The following STAG1 variants were observed in gnomAD, a reference collection of about 807,000 sequenced individuals.
STAG1 encodes the protein STAG1 cohesin complex component.
A neutral mutation model predicts 170.9 loss-of-function variants in STAG1; 26 were observed. That is an observed-to-expected ratio of 0.15 (90% CI 0.11 to 0.21). STAG1 has a LOEUF of 0.21. STAG1 is among the 10% of genes least tolerant of loss of function. The pLI, the probability that STAG1 is intolerant of heterozygous loss-of-function variation, is 1.00. For missense variants in STAG1, 964 were observed against 1,509.5 expected (o/e 0.64, Z 5.99); for synonymous variants, 514 against 497.7 (o/e 1.03, Z -0.44).
intron 1 of STAG1, among the ~76,000 whole-genome samples, chr3:136,741,359 TGTC>T (rs1398042566): frequency 6.6e-6 from 1 of 152,272 alleles, no homozygotes; most frequent in Non-Finnish European, 1.5e-5. Flanking sequence ...CAAGTTAACT[TGTC>T]AGCCTATAAA....
In STAG1 at chr3:136,358,666, C is replaced by T. The variant is rs201089162; in HGVS notation, c.2936+482G>A. On this transcript the variant is annotated intron_variant, in intron 27 of 33. Transcript: ENST00000383202. ...CATAGCTCACTATAACCTCAAACTC[C>T]CAGTCTTAAGTGATCCTCCTGGCTC... 3.3e-5 allele frequency among the ~76,000 whole-genome samples: 5 copies of T among 152,224 alleles called. No homozygotes were observed. In the East Asian group the frequency reaches 7.7e-4, roughly 24 times the overall value.
rs1400121895 is a variant in STAG1 at position 136,700,863 on chromosome 3, C to T, written c.-84+51332G>A. 2.0e-5 allele frequency among the ~76,000 whole-genome samples: 3 copies of T among 146,508 alleles called. No homozygotes were observed. The East Asian group carries it at 6.0e-4, about 29-fold the overall frequency. On this transcript the variant is annotated intron_variant, in intron 1 of 33. Transcript: ENST00000383202. Reference sequence around the variant, plus strand: ...TTAAAAAAACATAAATGTGTGTGTGCTCTATTTTTTTTCTTTTTTTTTTTT... The same window carrying T: ...TTAAAAAAACATAAATGTGTGTGTGTTCTATTTTTTTTCTTTTTTTTTTTT...
At position 136,337,132 on chromosome 3, in the gene STAG1, A is replaced by G. The variant is rs1038130182; in HGVS notation, c.*1122T>C. On this transcript the variant is annotated 3_prime_UTR_variant, in exon 34 of 34. Coordinates refer to ENST00000383202, the MANE Select transcript of STAG1 (RefSeq NM_005862.3). ...TGAAATGTAGCTGTAATTCAAGGTA[A>G]GCTTAGGAACTTCACCCTCTAAGCA... 6.6e-6 allele frequency: 1 copy of G among 152,594 alleles called. No individual in the cohort carries two copies. The highest frequency in any genetic ancestry group is 1.5e-5 in the Non-Finnish European group (1 of 68,044). 9.5% of individuals were successfully genotyped at this position (152,594 alleles called of 1,614,324 possible).
intron 1 of STAG1, among the ~76,000 whole-genome samples, chr3:136,638,335 A>G (rs1379493796): frequency 2.0e-5 from 3 of 151,766 alleles, no homozygotes; most frequent in Non-Finnish European, 4.4e-5. Context: ...GGGTTTCACC[A>G]TATTTGTCAG....
chr3:136,375,414 T>C (rs1937538162), intron 23 of STAG1, among the ~76,000 whole-genome samples: 1 of 152,156 alleles, frequency 6.6e-6, no homozygotes, highest in Non-Finnish European at 1.5e-5. Flanking sequence ...CACTGCCCCC[T>C]CCAAAGTTGA....
intron 1 of STAG1, among the ~76,000 whole-genome samples, chr3:136,729,479 G>C (rs909720405): frequency 2.5e-4 from 38 of 151,318 alleles, no homozygotes; most frequent in Non-Finnish European, 1.5e-5. Flanking sequence ...CTTTAACACA[G>C]TAAATAAGAT....
intron 3 of STAG1, among the ~76,000 whole-genome samples, chr3:136,616,472 AAAC>A (rs1240034391): frequency 6.6e-6 from 1 of 152,236 alleles, no homozygotes; most frequent in Non-Finnish European, 1.5e-5. Flanking sequence ...AAAATTAAGA[AAAC>A]AACAAAGACA....
intron 3 of STAG1, among the ~76,000 whole-genome samples, chr3:136,611,725 G>A (rs1559908816): frequency 1.5e-5 from 2 of 135,826 alleles, no homozygotes; most frequent in African/African-American, 5.6e-5. Context: ...GGCTGGTCTC[G>A]AACTCCTGAG....
At chr3:136,720,239 G>C (rs964705170) in intron 1 of STAG1, among the ~76,000 whole-genome samples, 19 of 149,822 alleles carry the variant, frequency 1.3e-4, no homozygotes, top group Admixed American at 6.6e-4. Flanking sequence ...AATGAAACAA[G>C]ATAAACCATC....
intron 1 of STAG1, among the ~76,000 whole-genome samples, chr3:136,715,601 A>G (rs1943520034): frequency 6.6e-6 from 1 of 151,872 alleles, no homozygotes. Flanking sequence ...GCCTGGTGAC[A>G]GAACAAGACT....
intron 6 of STAG1, among the ~76,000 whole-genome samples, chr3:136,528,540 T>A (rs1466105702): frequency 8.7e-6 from 1 of 115,428 alleles, no homozygotes; most frequent in African/African-American, 3.5e-5. Flanking sequence ...GGAATCCAAA[T>A]TATTTATTCT....
At chr3:136,466,186 C>A (rs933761959) in intron 12 of STAG1, among the ~76,000 whole-genome samples, 1 of 152,166 alleles carries the variant, frequency 6.6e-6, no homozygotes, top group East Asian at 1.9e-4. Flanking sequence ...AAGAAGGCTA[C>A]AGACGATCAA....
At chr3:136,702,540 C>T (rs879282826) in intron 1 of STAG1, among the ~76,000 whole-genome samples, 1 of 152,050 alleles carries the variant, frequency 6.6e-6, no homozygotes, top group Non-Finnish European at 1.5e-5. Context: ...GTGCCCGCCA[C>T]AACACCCAGC....
intron 4 of STAG1, among the ~76,000 whole-genome samples, chr3:136,583,717 A>C (rs1040094179): frequency 1.3e-5 from 2 of 152,224 alleles, no homozygotes; most frequent in Non-Finnish European, 2.9e-5. Flanking sequence ...TAAACCCAGG[A>C]GGCAAAGGCT....
intron 1 of STAG1, among the ~76,000 whole-genome samples, chr3:136,696,142 A>G (rs1942883272): frequency 1.3e-5 from 2 of 152,192 alleles, no homozygotes; most frequent in African/African-American, 4.8e-5. Context: ...TGACATTAGC[A>G]AAGTTTTTCT....
chr3:136,661,908 C>T (rs1018448820), intron 1 of STAG1, among the ~76,000 whole-genome samples: 1 of 152,224 alleles, frequency 6.6e-6, no homozygotes, highest in African/African-American at 2.4e-5. Flanking sequence ...CAAAGTCACA[C>T]AGCCAGCAAG....
At chr3:136,459,891 A>G (rs778510062) in intron 13 of STAG1, among the ~76,000 whole-genome samples, 2 of 152,168 alleles carry the variant, frequency 1.3e-5, no homozygotes, top group Admixed American at 6.6e-5. Flanking sequence ...ATAAGTATCT[A>G]TATCAAAAAA....
chr3:136,544,509 T>C (rs1048689577), intron 5 of STAG1, among the ~76,000 whole-genome samples: 4 of 152,156 alleles, frequency 2.6e-5, no homozygotes, highest in Admixed American at 2.6e-4. Context: ...ACACCTATAA[T>C]ACCAGCACTT....
intron 28 of STAG1, among the ~76,000 whole-genome samples, chr3:136,350,413 G>C (rs1274725326): frequency 6.6e-6 from 1 of 152,116 alleles, no homozygotes; most frequent in Non-Finnish European, 1.5e-5. Context: ...ACAGCAACCA[G>C]GAAAAATGAA....
Sources: allele counts gnomAD v4.1 joint callset (sites outside exome capture counted in the v4.1 genomes callset), GRCh38; gene constraint gnomAD v4.1.1; transcripts MANE v1.5; gene names NCBI Gene and HGNC (gene_info 2026-07-23, HGNC 2026-07-21).